AK5: variants seen among roughly 807,000 people sequenced by gnomAD.
AK5 encodes the protein adenylate kinase 5.
Under a neutral mutation model 69.5 loss-of-function variants are expected in AK5, and 27 were observed. That is an observed-to-expected ratio of 0.39 (90% CI 0.29 to 0.54). AK5 has a LOEUF of 0.54. AK5 is among the 20% of genes least tolerant of loss of function. The pLI is 0.71. For synonymous variants in AK5, 260 were observed against 244.4 expected (o/e 1.06, Z -0.60); for missense variants, 531 against 700.4 (o/e 0.76, Z 2.73).
chr1:77,473,657 GTCT>G (rs1480923642), intron 8 of AK5, among the ~76,000 whole-genome samples: 2 of 152,178 alleles, frequency 1.3e-5, no homozygotes, highest in South Asian at 2.1e-4. Flanking sequence ...AAAAGAAGCT[GTCT>G]TCTTATATTC....
intron 8 of AK5, among the ~76,000 whole-genome samples, chr1:77,450,123 A>G (rs1020935473): frequency 6.6e-6 from 1 of 152,094 alleles, no homozygotes; most frequent in Non-Finnish European, 1.5e-5. Flanking sequence ...TGCAGTTCCC[A>G]ACAAGTTCCT....
At chr1:77,301,557 A>G (rs899598087) in intron 5 of AK5, among the ~76,000 whole-genome samples, 1 of 152,196 alleles carries the variant, frequency 6.6e-6, no homozygotes, top group Non-Finnish European at 1.5e-5. Flanking sequence ...CCTTCTTCCC[A>G]CACATACAAT....
intron 13 of AK5, among the ~76,000 whole-genome samples, chr1:77,548,962 G>A (rs568256898): frequency 2.5e-5 from 3 of 121,900 alleles, no homozygotes; most frequent in East Asian, 2.7e-4. Flanking sequence ...TGCAACCTCC[G>A]CCTCTCGGGG....
chr1:77,483,283 T>C, intron 8 of AK5, 34 bp from the exon 9 acceptor site: 1 of 1,547,072 alleles, frequency 6.5e-7, no homozygotes, highest in Non-Finnish European at 8.9e-7. Flanking sequence ...ATACCTGCTG[T>C]TATTATTATC....
chr1:77,368,241 A>ATATATATGT (rs1391007543), intron 6 of AK5, among the ~76,000 whole-genome samples: 917 of 23,254 alleles, frequency 0.039, 54 homozygotes, highest in South Asian at 0.07. Flanking sequence ...ATATATATAT[A>ATATATATGT]TATATATATA....
intron 13 of AK5, 138 bp from the exon 14 acceptor site, chr1:77,558,460 CTTTT>C: frequency 1.8e-6 from 1 of 540,658 alleles, no homozygotes; most frequent in Non-Finnish European, 3.3e-6. Flanking sequence ...CTACTCTTCA[CTTTT>C]TTCTCTGTGT....
chr1:77,420,735 C>T (rs905741419), intron 8 of AK5, among the ~76,000 whole-genome samples: 3 of 152,180 alleles, frequency 2.0e-5, no homozygotes, highest in Non-Finnish European at 4.4e-5. Flanking sequence ...AAGCCATTAA[C>T]AAGCTCACTA....
At chr1:77,346,053 G>A (rs1032293193) in intron 6 of AK5, 8 of 152,118 alleles carry the variant, frequency 5.3e-5, no homozygotes, top group African/African-American at 1.7e-4. Context: ...AAGTCACAAG[G>A]AAAAGAAAAT....
intron 6 of AK5, among the ~76,000 whole-genome samples, chr1:77,375,677 T>A (rs191783924): frequency 9.1e-4 from 139 of 152,328 alleles, no homozygotes; most frequent in African/African-American, 3.0e-3. Context: ...GGAAACTGAA[T>A]CATCTTAGTG....
At chr1:77,445,913 C>T (rs903820319) in intron 8 of AK5, among the ~76,000 whole-genome samples, 1 of 152,062 alleles carries the variant, frequency 6.6e-6, no homozygotes, top group African/African-American at 2.4e-5. Flanking sequence ...TTGTTTCGTT[C>T]ACTGTGCAGC....
At chr1:77,497,386 G>A (rs907701312) in intron 10 of AK5, among the ~76,000 whole-genome samples, 6 of 152,056 alleles carry the variant, frequency 3.9e-5, no homozygotes, top group East Asian at 1.9e-4. Flanking sequence ...AAGAAACTCC[G>A]GACACATCCG....
chr1:77,350,273 C>G (rs577797450), intron 6 of AK5, among the ~76,000 whole-genome samples: 4 of 152,172 alleles, frequency 2.6e-5, no homozygotes, highest in Non-Finnish European at 5.9e-5. Context: ...TTAGGGAAGG[C>G]TTTCCTGGAA....
chr1:77,448,289 C>T (rs1399237004), intron 8 of AK5, among the ~76,000 whole-genome samples: 3 of 152,134 alleles, frequency 2.0e-5, no homozygotes, highest in Non-Finnish European at 4.4e-5. Flanking sequence ...TCCCATGGGC[C>T]AATCAGCATG....
chr1:77,508,640 G>A (rs1366999262), intron 10 of AK5, among the ~76,000 whole-genome samples: 2 of 152,158 alleles, frequency 1.3e-5, no homozygotes, highest in Non-Finnish European at 2.9e-5. Context: ...GCTGAGGTGG[G>A]TGGATCACCT....
At chr1:77,352,827 G>A (rs933572563) in intron 6 of AK5, among the ~76,000 whole-genome samples, 1 of 152,164 alleles carries the variant, frequency 6.6e-6, no homozygotes, top group Non-Finnish European at 1.5e-5. Flanking sequence ...GATCTATCTT[G>A]CTGGAAAGTC....
intron 7 of AK5, among the ~76,000 whole-genome samples, chr1:77,411,773 A>G (rs1650061610): frequency 6.6e-6 from 1 of 152,192 alleles, no homozygotes; most frequent in South Asian, 2.1e-4. Flanking sequence ...TTGGGGCCAC[A>G]AAGAAAAAAG....
intron 10 of AK5, among the ~76,000 whole-genome samples, chr1:77,493,515 C>T (rs147366032): frequency 1.4e-3 from 216 of 152,234 alleles, no homozygotes; most frequent in African/African-American, 4.8e-3. Flanking sequence ...AGGATATATA[C>T]GTCCAGTCGC....
At chr1:77,517,530 G>A (rs1160289383) in intron 10 of AK5, among the ~76,000 whole-genome samples, 1 of 152,090 alleles carries the variant, frequency 6.6e-6, no homozygotes, top group African/African-American at 2.4e-5. Context: ...GCCTCTTAAG[G>A]TTATTTTATA....
intron 6 of AK5, among the ~76,000 whole-genome samples, chr1:77,398,979 T>A (rs1413861067): frequency 1.3e-5 from 2 of 152,182 alleles, no homozygotes; most frequent in African/African-American, 2.4e-5. Context: ...GGGCTACAGA[T>A]CCCTTTCTTA....
Sources: gnomAD v4.1 joint callset for allele counts (sites outside exome capture counted in the v4.1 genomes callset) on GRCh38, gnomAD v4.1.1 for gene constraint, MANE v1.5 for transcripts, NCBI Gene and HGNC (gene_info 2026-07-23, HGNC 2026-07-21) for gene names.